CNTN4: variants seen among roughly 807,000 people sequenced by gnomAD.
CNTN4 encodes contactin-4.
In CNTN4, 77 loss-of-function variants were observed where a neutral mutation model predicts 122.5. The observed-to-expected ratio is 0.63, with a 90% CI of 0.52 to 0.76. The LOEUF is 0.76. Among genes scored for constraint, CNTN4 ranks in the 30% least tolerant of loss-of-function variants. The pLI is 0.00. For missense variants in CNTN4, 1,256 were observed against 1,259.1 expected (o/e 1.00, Z 0.04); for synonymous variants, 512 against 447.0 (o/e 1.15, Z -1.83).
chr3:2,591,814 G>A (rs571187460), intron 4 of CNTN4, among the ~76,000 whole-genome samples: 62 of 152,310 alleles, frequency 4.1e-4, no homozygotes, highest in African/African-American at 1.3e-3. Flanking sequence ...AATGCCAGGT[G>A]TAGTAGTCTG....
chr3:2,386,909 A>T (rs1478722090), intron 3 of CNTN4, among the ~76,000 whole-genome samples: 1 of 152,212 alleles, frequency 6.6e-6, no homozygotes, highest in Non-Finnish European at 1.5e-5. Flanking sequence ...CATTCAATTT[A>T]GAGATTATAG....
rs535281783 is a variant in CNTN4 at position 2,268,152 on chromosome 3, T to C, written c.-144-71026T>C. On this transcript the variant is annotated intron_variant, in intron 2 of 24. Transcript: ENST00000418658. ...GCATTGTAGCACAATTAAATGTGCATTTGCATAGCTGTTCGATGATACAGG... is the reference window on the plus strand; with the variant it reads ...GCATTGTAGCACAATTAAATGTGCACTTGCATAGCTGTTCGATGATACAGG... Among the ~76,000 whole-genome samples, 4 of 152,262 alleles carry C rather than the reference T, an allele frequency of 2.6e-5. No homozygotes were observed. The South Asian group carries it at 8.3e-4, about 32-fold the overall frequency.
At chr3:2,143,733 T>A (rs533754116) in intron 2 of CNTN4, among the ~76,000 whole-genome samples, 56 of 152,328 alleles carry the variant, frequency 3.7e-4, no homozygotes, top group African/African-American at 1.3e-3. Context: ...GAGTTTAGAG[T>A]TAAATGATTG....
chr3:2,637,148 G>C (rs2082696592), intron 4 of CNTN4, among the ~76,000 whole-genome samples: 1 of 151,690 alleles, frequency 6.6e-6, no homozygotes, highest in African/African-American at 2.4e-5. Flanking sequence ...CACCATGTTA[G>C]CCAGGCTGTT....
At position 2,331,650 on chromosome 3, in the gene CNTN4, C is replaced by G. The variant is rs755704227; in HGVS notation, c.-144-7528C>G. Among the ~76,000 whole-genome samples the G allele has an allele frequency of 1.4e-4, 21 of 152,220 alleles. No homozygotes were observed. The East Asian group carries it at 3.1e-3, about 22-fold the overall frequency. ...TGGCAGATGCACCTGAATGTGTGTT[C>G]CAAGCTAAGGAACTCGGGAATGGCC... On this transcript the variant is annotated intron_variant, in intron 2 of 24. Transcript: ENST00000418658.
At chr3:2,705,287 G>C (rs1427948929) in intron 4 of CNTN4, among the ~76,000 whole-genome samples, 2 of 144,276 alleles carry the variant, frequency 1.4e-5, no homozygotes, top group African/African-American at 5.2e-5. Context: ...AGAATGGCGG[G>C]AACCTAGGAG....
Position 2,262,629 on chromosome 3 carries a change from G to GTTT in CNTN4, c.-144-76538_-144-76536dup, listed in dbSNP as rs11391764. ...ATGTGATATACACTTGCTGTTCCGT[G>GTTT]TTTTTTTTTTTTTGCAAATATGCAT... On this transcript the variant is annotated intron_variant, in intron 2 of 24. Coordinates refer to ENST00000418658, the MANE Select transcript of CNTN4 (RefSeq NM_175607.3). Among the ~76,000 whole-genome samples, 353 of 144,252 alleles carry GTTT rather than the reference G, an allele frequency of 2.4e-3. 1 individual carries two copies. Among genetic ancestry groups the GTTT allele is most frequent in the African/African-American group, 5.9e-3 (232 of 39,148 alleles). The allele number at this position is 144,252 out of a possible 152,430, so 94.6% of individuals were successfully genotyped here. A position where few individuals can be genotyped will look rare whatever the true frequency, so the allele number is the denominator to read the frequency against.
intron 4 of CNTN4, among the ~76,000 whole-genome samples, chr3:2,732,057 C>G (rs1045883828): frequency 5.9e-5 from 9 of 152,178 alleles, no homozygotes; most frequent in African/African-American, 1.9e-4. Context: ...TCCCTCTCAA[C>G]TATTAGTCCA....
At chr3:2,743,546 CAT>C (rs1202843110) in intron 5 of CNTN4, among the ~76,000 whole-genome samples, 1 of 152,164 alleles carries the variant, frequency 6.6e-6, no homozygotes, top group Non-Finnish European at 1.5e-5. Flanking sequence ...CATGAATAAA[CAT>C]GTGTTGCTAT....
intron 2 of CNTN4, among the ~76,000 whole-genome samples, chr3:2,187,104 A>G (rs147269365): frequency 1.3e-4 from 20 of 152,252 alleles, no homozygotes; most frequent in South Asian, 2.1e-4. Flanking sequence ...AAATTTTTGT[A>G]TAAGGTGTAA....
intron 4 of CNTN4, among the ~76,000 whole-genome samples, chr3:2,668,958 A>C (rs2084335931): frequency 1.3e-5 from 2 of 152,148 alleles, no homozygotes; most frequent in Admixed American, 6.5e-5. Flanking sequence ...ATCATGGTGG[A>C]TAAGCTTTTT....
Position 2,385,050 on chromosome 3 carries a change from T to C in CNTN4, c.-89+45817T>C, listed in dbSNP as rs537380627. 6.6e-6 allele frequency among the ~76,000 whole-genome samples: 1 copy of C among 152,250 alleles called. No homozygotes were observed. Among genetic ancestry groups the C allele is most frequent in the East Asian group, 1.9e-4 (1 of 5,174 alleles). ...TCTTGCTTCGCCTCTTACTCTTCCT[T>C]CCTAACTGGTCTATTCTGGTATTAC... On this transcript the variant is annotated intron_variant, in intron 3 of 24. Coordinates refer to ENST00000418658, the MANE Select transcript of CNTN4 (RefSeq NM_175607.3). The surrounding 1 kb of genome is among the most constrained non-coding windows in gnomAD (Gnocchi z 4.0).
chr3:2,641,610 C>A (rs748335440), intron 4 of CNTN4, among the ~76,000 whole-genome samples: 3 of 152,146 alleles, frequency 2.0e-5, no homozygotes, highest in Non-Finnish European at 2.9e-5. Context: ...TGTTTGTGCA[C>A]CATCTTCACA....
intron 2 of CNTN4, among the ~76,000 whole-genome samples, chr3:2,321,813 G>C (rs1242417879): frequency 1.3e-5 from 2 of 151,900 alleles, no homozygotes; most frequent in African/African-American, 4.8e-5. Flanking sequence ...CCTGTTATAA[G>C]AGAGAAAGGA....
chr3:2,294,288 C>CTTTTTTTT (rs71058604), intron 2 of CNTN4, among the ~76,000 whole-genome samples: 11 of 135,612 alleles, frequency 8.1e-5, no homozygotes, highest in African/African-American at 2.7e-4. Context: ...AGAGTTGTGA[C>CTTTTTTTT]TTTTTTTTTT....
At chr3:2,350,442 A>G (rs961614647) in intron 3 of CNTN4, among the ~76,000 whole-genome samples, 1 of 152,194 alleles carries the variant, frequency 6.6e-6, no homozygotes, top group Non-Finnish European at 1.5e-5. Context: ...AAACAAAAGG[A>G]GCATCAAAAA....
intron 2 of CNTN4, among the ~76,000 whole-genome samples, chr3:2,328,315 A>G (rs1200138136): frequency 6.6e-6 from 1 of 150,656 alleles, no homozygotes; most frequent in Non-Finnish European, 1.5e-5. Context: ...CTGAGGCAGG[A>G]GAATGGCGGG....
At chr3:2,506,324 G>A (rs1559616212) in intron 3 of CNTN4, among the ~76,000 whole-genome samples, 1 of 152,180 alleles carries the variant, frequency 6.6e-6, no homozygotes, top group Admixed American at 6.5e-5. Context: ...TACCAGAGCC[G>A]AAGAGTCCGT....
chr3:2,323,970 G>GC (rs2043359944), intron 2 of CNTN4, among the ~76,000 whole-genome samples: 1 of 152,140 alleles, frequency 6.6e-6, no homozygotes, highest in Non-Finnish European at 1.5e-5. Context: ...CTAGAGAAGG[G>GC]CTTCTCAACT....
Sources: allele counts gnomAD v4.1 joint callset (sites outside exome capture counted in the v4.1 genomes callset), GRCh38; gene constraint gnomAD v4.1.1; non-coding constraint Gnocchi (gnomAD v3.1); transcripts MANE v1.5; gene names NCBI Gene and HGNC (gene_info 2026-07-23, HGNC 2026-07-21).